Variants in RIMS2 observed in about 807,000 individuals in gnomAD.
RIMS2 encodes the protein regulating synaptic membrane exocytosis 2, also known as regulating synaptic membrane exocytosis protein 2.
RIMS2 carries 59 observed loss-of-function variants against 174.4 expected under a neutral mutation model. The observed-to-expected ratio is 0.34, with a 90% CI of 0.27 to 0.42. The LOEUF (loss-of-function observed/expected upper bound fraction) is 0.42. Ranked by LOEUF, RIMS2 falls within the 10% of genes least tolerant of loss-of-function variation. The pLI is 1.00. For synonymous variants in RIMS2, 606 were observed against 572.5 expected, an observed-to-expected ratio of 1.06 and a Z score of -0.84; for missense variants, 1,620 against 1,666.3, an observed-to-expected ratio of 0.97 and a Z score of 0.48.
intron 2 of RIMS2, among the ~76,000 whole-genome samples, chr8:103,718,241 T>C (rs2097398669): frequency 6.7e-6 from 1 of 150,312 alleles, no homozygotes; most frequent in Non-Finnish European, 1.5e-5. Flanking sequence ...GATAGCTCAA[T>C]CAGGGGCAGC....
intron 1 of RIMS2, among the ~76,000 whole-genome samples, chr8:103,594,281 T>G (rs1321986094): frequency 6.6e-6 from 1 of 151,646 alleles, no homozygotes; most frequent in Non-Finnish European, 1.5e-5. Context: ...TTGTTGGTAA[T>G]TTTGCTATTT....
chr8:103,682,178 A>C (rs962320766), intron 1 of RIMS2, among the ~76,000 whole-genome samples: 1 of 152,120 alleles, frequency 6.6e-6, no homozygotes, highest in Non-Finnish European at 1.5e-5. Context: ...GCGATTGAAT[A>C]CTGAAGCTCA....
chr8:103,925,916 C>T (rs1167465714), intron 10 of RIMS2, among the ~76,000 whole-genome samples: 1 of 151,264 alleles, frequency 6.6e-6, no homozygotes, highest in African/African-American at 2.4e-5. Flanking sequence ...TGAATTTTAC[C>T]TTAATTGAAA....
At position 103,885,535 on chromosome 8, in the gene RIMS2, G is replaced by T; in HGVS notation, c.936G>T (p.Glu312Asp). The change falls in exon 4 of 24, where the codon GAG (glutamate) becomes GAT (aspartate). Residue 312 changes from glutamate (E) to aspartate (D), a missense_variant. Physicochemically the swap from Glu to Asp is conservative, Grantham distance 45. This residue lies in a region of RIMS2 where 1,395 missense variants were observed against 1,360.1 expected (regional missense o/e 1.03). Coordinates refer to ENST00000504942, the Ensembl canonical transcript of RIMS2. Reference sequence around the variant, plus strand: ...CCAAAGAATATATTGTAGATGATGAGGATGTGGAAAGCAGAGATGAATACG... The same window carrying T: ...CCAAAGAATATATTGTAGATGATGATGATGTGGAAAGCAGAGATGAATACG... 1.9e-6 allele frequency: 3 copies of T among 1,612,152 alleles called. 1 individual carries two copies. In the South Asian group the frequency reaches 3.3e-5, roughly 18 times the overall value.
intron 2 of RIMS2, among the ~76,000 whole-genome samples, chr8:103,746,417 T>C (rs1564484607): frequency 6.6e-6 from 1 of 152,154 alleles, no homozygotes; most frequent in Non-Finnish European, 1.5e-5. Context: ...TTCCTACTGG[T>C]ATATTTTAAA....
intron 19 of RIMS2, among the ~76,000 whole-genome samples, chr8:104,027,174 G>A (rs1248646718): frequency 6.6e-6 from 1 of 152,094 alleles, no homozygotes; most frequent in Non-Finnish European, 1.5e-5. Context: ...TCAGTCATCC[G>A]GTATTTGATG....
downstream of RIMS2, chr8:104,254,491 C>G (rs2099365431): frequency 6.6e-6 from 1 of 152,180 alleles, no homozygotes. Flanking sequence ...GCAGCTCATT[C>G]CCTGAACTCA....
intron 1 of RIMS2, among the ~76,000 whole-genome samples, chr8:103,504,848 T>TTC (rs1822587415): frequency 8.7e-5 from 2 of 22,864 alleles, no homozygotes; most frequent in Admixed American, 1.4e-3. Flanking sequence ...CTTTCTTTCT[T>TTC]TTTTTTTTTT....
At chr8:103,897,944 A>G (rs1193536488) in intron 4 of RIMS2, among the ~76,000 whole-genome samples, 1 of 151,634 alleles carries the variant, frequency 6.6e-6, no homozygotes, top group Non-Finnish European at 1.5e-5. Context: ...ATTCTTGGCA[A>G]TTGAGTCCAA....
intron 4 of RIMS2, among the ~76,000 whole-genome samples, chr8:103,887,490 T>C (rs535566865): frequency 6.6e-6 from 1 of 151,766 alleles, no homozygotes; most frequent in South Asian, 2.1e-4. Flanking sequence ...AGTATTTAAC[T>C]GTATATTATC....
intron 19 of RIMS2, among the ~76,000 whole-genome samples, chr8:104,060,562 T>C (rs1462638614): frequency 6.6e-6 from 1 of 151,054 alleles, no homozygotes; most frequent in Non-Finnish European, 1.5e-5. Flanking sequence ...TTTGTGTCTC[T>C]ATTTCCTTCA....
At chr8:103,852,339 A>G (rs2099003266) in intron 3 of RIMS2, among the ~76,000 whole-genome samples, 1 of 151,840 alleles carries the variant, frequency 6.6e-6, no homozygotes, top group Non-Finnish European at 1.5e-5. Flanking sequence ...AAATGATTTC[A>G]TTTATTTGAA....
chr8:103,715,465 ATGT>A (rs2097356909), intron 2 of RIMS2, among the ~76,000 whole-genome samples: 1 of 152,138 alleles, frequency 6.6e-6, no homozygotes, highest in African/African-American at 2.4e-5. Context: ...TGAGTCACAA[ATGT>A]TGTACTATCA....
At chr8:103,984,569 G>A (rs1348471535) in intron 16 of RIMS2, among the ~76,000 whole-genome samples, 1 of 152,140 alleles carries the variant, frequency 6.6e-6, no homozygotes, top group Non-Finnish European at 1.5e-5. Context: ...GTAAATATGT[G>A]GAGAAAAGGG....
chr8:103,880,362 G>A (rs1016990908), intron 3 of RIMS2: 1 of 249,142 alleles, frequency 4.0e-6, no homozygotes, highest in African/African-American at 2.2e-5. Context: ...CCTCCTTACA[G>A]GGTACATTCT....
intron 19 of RIMS2, among the ~76,000 whole-genome samples, chr8:104,150,838 G>A (rs552869504): frequency 6.6e-6 from 1 of 152,136 alleles, no homozygotes; most frequent in Admixed American, 6.5e-5. Flanking sequence ...TGTACTTTAT[G>A]TATAGTTTTT....
chr8:104,191,607 A>G (rs555773458), intron 19 of RIMS2, among the ~76,000 whole-genome samples: 1 of 152,296 alleles, frequency 6.6e-6, no homozygotes, highest in East Asian at 1.9e-4. Context: ...TTTCAAGGAA[A>G]TTATTATCTA....
chr8:103,695,916 C>G (rs1441847187), intron 1 of RIMS2, among the ~76,000 whole-genome samples: 1 of 152,058 alleles, frequency 6.6e-6, no homozygotes, highest in Non-Finnish European at 1.5e-5. Context: ...ACTATGAAGG[C>G]AGACTAGGGG....
chr8:104,074,966 G>A (rs2097262677), intron 19 of RIMS2, among the ~76,000 whole-genome samples: 1 of 152,092 alleles, frequency 6.6e-6, no homozygotes, highest in South Asian at 2.1e-4. Context: ...GAAGAAACAT[G>A]ACAATACATG....
Sources: gnomAD v4.1 joint callset for allele counts (sites outside exome capture counted in the v4.1 genomes callset) on GRCh38, gnomAD v4.1.1 for gene constraint, gnomAD v4.1.1 regional missense constraint, MANE v1.5 for transcripts, NCBI Gene and HGNC (gene_info 2026-07-23, HGNC 2026-07-21) for gene names.